ST6GALNAC3: variants seen among roughly 807,000 people sequenced by gnomAD.
ST6GALNAC3 encodes alpha-N-acetylgalactosaminide alpha-2,6-sialyltransferase 3.
Under a neutral mutation model 32.7 loss-of-function variants are expected in ST6GALNAC3, and 25 were observed. The ratio of observed to expected loss-of-function variants is 0.76; its 90% CI spans 0.56 to 1.07. The LOEUF is 1.07. Among genes scored for constraint, ST6GALNAC3 ranks in the 50% least tolerant of loss-of-function variants. The pLI is 0.00. For missense variants in ST6GALNAC3, 355 were observed against 382.4 expected, an observed-to-expected ratio of 0.93 and a Z score of 0.60; for synonymous variants, 129 against 133.1, an observed-to-expected ratio of 0.97 and a Z score of 0.21.
intron 2 of ST6GALNAC3, among the ~76,000 whole-genome samples, chr1:76,339,440 G>A (rs1647774765): frequency 2.0e-5 from 3 of 152,090 alleles, no homozygotes; most frequent in African/African-American, 4.8e-5. Flanking sequence ...GCATTCAGAT[G>A]GAACACACTC....
intron 3 of ST6GALNAC3, among the ~76,000 whole-genome samples, chr1:76,584,829 C>T (rs1023303611): frequency 3.3e-5 from 5 of 152,218 alleles, no homozygotes; most frequent in East Asian, 1.9e-4. Flanking sequence ...CTATTTTGTC[C>T]GATGGTATGT....
chr1:76,272,746 C>T (rs893052029), intron 1 of ST6GALNAC3, among the ~76,000 whole-genome samples: 1 of 152,190 alleles, frequency 6.6e-6, no homozygotes, highest in African/African-American at 2.4e-5. Context: ...CCAAAGAACA[C>T]CCTTGGGATT....
chr1:76,561,384 C>T (rs1203102688), intron 3 of ST6GALNAC3, among the ~76,000 whole-genome samples: 1 of 151,856 alleles, frequency 6.6e-6, no homozygotes, highest in Non-Finnish European at 1.5e-5. Context: ...AATATATTTG[C>T]AAATTATATA....
chr1:76,125,289 C>T (rs1649166744), intron 1 of ST6GALNAC3, among the ~76,000 whole-genome samples: 1 of 152,178 alleles, frequency 6.6e-6, no homozygotes, highest in Admixed American at 6.5e-5. Context: ...TACCTGTTCC[C>T]TGGACCTCCT....
At chr1:76,592,871 A>C (rs912149357) in intron 3 of ST6GALNAC3, among the ~76,000 whole-genome samples, 1 of 152,214 alleles carries the variant, frequency 6.6e-6, no homozygotes, top group South Asian at 2.1e-4. Context: ...TGTGTGCCTT[A>C]CATAACTTGG....
intron 3 of ST6GALNAC3, among the ~76,000 whole-genome samples, chr1:76,590,726 A>G (rs1256630001): frequency 1.3e-5 from 2 of 152,240 alleles, no homozygotes; most frequent in Non-Finnish European, 1.5e-5. Flanking sequence ...TCTGTGATAC[A>G]GGAAACCAGC....
intron 2 of ST6GALNAC3, among the ~76,000 whole-genome samples, chr1:76,334,681 C>T (rs1647323095): frequency 6.6e-6 from 1 of 152,188 alleles, no homozygotes; most frequent in African/African-American, 2.4e-5. Context: ...TGATTCTTCC[C>T]AATCTTGCCT....
chr1:76,171,121 G>A (rs1434869114), intron 1 of ST6GALNAC3, among the ~76,000 whole-genome samples: 1 of 142,686 alleles, frequency 7.0e-6, no homozygotes, highest in Admixed American at 7.2e-5. Context: ...GTGTGTGTGT[G>A]CTGAAGATAG....
intron 2 of ST6GALNAC3, among the ~76,000 whole-genome samples, chr1:76,385,882 T>C (rs1010211011): frequency 1.3e-5 from 2 of 152,122 alleles, no homozygotes; most frequent in Non-Finnish European, 2.9e-5. Context: ...ATTTGCTTTC[T>C]CAGTTCTGGC....
chr1:76,116,219 A>T (rs78071393), intron 1 of ST6GALNAC3, among the ~76,000 whole-genome samples: 2 of 152,124 alleles, frequency 1.3e-5, no homozygotes, highest in Admixed American at 6.6e-5. Flanking sequence ...TGAAAAAAAA[A>T]GTTCAGGGAC....
At chr1:76,122,779 G>A (rs1387773027) in intron 1 of ST6GALNAC3, among the ~76,000 whole-genome samples, 3 of 152,140 alleles carry the variant, frequency 2.0e-5, no homozygotes, top group African/African-American at 7.2e-5. Flanking sequence ...GGGTACGTGA[G>A]CTCCAGGAAC....
At chr1:76,198,878 TG>T (rs1170736922) in intron 1 of ST6GALNAC3, among the ~76,000 whole-genome samples, 1 of 152,114 alleles carries the variant, frequency 6.6e-6, no homozygotes, top group Non-Finnish European at 1.5e-5. Flanking sequence ...GTTGAAACTC[TG>T]GGCAAGGCTA....
chr1:76,553,649 C>G (rs1201465237), intron 3 of ST6GALNAC3, among the ~76,000 whole-genome samples: 1 of 150,384 alleles, frequency 6.6e-6, no homozygotes, highest in Non-Finnish European at 1.5e-5. Context: ...TGCTCTTATT[C>G]CCTTACAGCC....
At chr1:76,130,857 C>T (rs1056010015) in intron 1 of ST6GALNAC3, among the ~76,000 whole-genome samples, 1 of 152,254 alleles carries the variant, frequency 6.6e-6, no homozygotes, top group African/African-American at 2.4e-5. Flanking sequence ...TTTTCTGCTG[C>T]TACTGACTCA....
At chr1:76,391,612 C>T (rs1180563021) in intron 2 of ST6GALNAC3, among the ~76,000 whole-genome samples, 1 of 150,846 alleles carries the variant, frequency 6.6e-6, no homozygotes, top group African/African-American at 2.4e-5. Flanking sequence ...CTTCCCTTCC[C>T]TTCCTTTTCT....
At chr1:76,230,015 T>A (rs1046222561) in intron 1 of ST6GALNAC3, among the ~76,000 whole-genome samples, 1 of 152,210 alleles carries the variant, frequency 6.6e-6, no homozygotes, top group African/African-American at 2.4e-5. Context: ...AGATCTGAGA[T>A]TAGTGGGTCA....
chr1:76,371,924 C>T (rs923205309), intron 2 of ST6GALNAC3, among the ~76,000 whole-genome samples: 4 of 152,150 alleles, frequency 2.6e-5, no homozygotes, highest in African/African-American at 7.2e-5. Flanking sequence ...CCCTACTCCT[C>T]CTTTTGGTTA....
At chr1:76,562,241 A>T (rs1191980894) in intron 3 of ST6GALNAC3, among the ~76,000 whole-genome samples, 2 of 152,210 alleles carry the variant, frequency 1.3e-5, no homozygotes, top group Non-Finnish European at 2.9e-5. Flanking sequence ...TGAGTGAATT[A>T]TATGGTATGT....
In ST6GALNAC3 at chr1:76,494,464, T is replaced by TACAC. The variant is rs1317182947; in HGVS notation, c.623+82048_623+82049insCACA. 5.3e-4 allele frequency among the ~76,000 whole-genome samples: 39 copies of TACAC among 73,262 alleles called. 4 individuals are homozygous for TACAC. The highest frequency in any genetic ancestry group is 2.1e-3 in the South Asian group (3 of 1,424). The allele number at this position is 73,262 out of a possible 152,430, so 48.1% of individuals were successfully genotyped here. The stretch of plus-strand genomic sequence containing the variant: ...ATATATATATATATATATATATATA[T>TACAC]ATATACACACACACACACACACTTT... On this transcript the variant is annotated intron_variant, in intron 3 of 4. Transcript: ENST00000328299.
Sources: allele counts gnomAD v4.1 joint callset (sites outside exome capture counted in the v4.1 genomes callset), GRCh38; gene constraint gnomAD v4.1.1; transcripts MANE v1.5; gene names NCBI Gene and HGNC (gene_info 2026-07-23, HGNC 2026-07-21).